ABAT: variants seen among roughly 807,000 people sequenced by gnomAD.
The protein encoded by ABAT is 4-aminobutyrate aminotransferase.
Under a neutral mutation model 64.6 loss-of-function variants are expected in ABAT, and 45 were observed. The ratio of observed to expected loss-of-function variants is 0.70; its 90% CI spans 0.55 to 0.89. The LOEUF (loss-of-function observed/expected upper bound fraction) is 0.89, where lower values mean the gene tolerates loss of function less well. Among genes scored for constraint, ABAT ranks in the 40% least tolerant of loss-of-function variants. The pLI, the probability that ABAT is intolerant of heterozygous loss-of-function variation, is 0.00. For synonymous variants in ABAT, 297 were observed against 250.5 expected (o/e 1.19, Z -1.75); for missense variants, 633 against 658.4 (o/e 0.96, Z 0.42).
chr16:8,727,519 A>G (rs2058594598), intron 1 of ABAT, among the ~76,000 whole-genome samples: 1 of 152,142 alleles, frequency 6.6e-6, no homozygotes, highest in Non-Finnish European at 1.5e-5. Context: ...ATCTCCCCGT[A>G]TTCCCTTAGC....
intron 1 of ABAT, among the ~76,000 whole-genome samples, chr16:8,732,782 T>G (rs1486687031): frequency 1.3e-5 from 2 of 148,662 alleles, no homozygotes; most frequent in African/African-American, 5.1e-5. Flanking sequence ...GGCTCCTCAC[T>G]TCCCAGTAGG....
In ABAT at chr16:8,752,877, T is replaced by C. The variant is rs77485026; in HGVS notation, c.316+2338T>C. On this transcript the variant is annotated intron_variant, in intron 5 of 15. Transcript: ENST00000268251. Reference sequence around the variant, plus strand: ...AAAGATTTTTTTAAGTTAATACTTATAGAGAATTTACTATGCACTTGGCAT... The same window carrying C: ...AAAGATTTTTTTAAGTTAATACTTACAGAGAATTTACTATGCACTTGGCAT... Among the ~76,000 whole-genome samples the C allele has an allele frequency of 1.8e-4, 28 of 152,344 alleles. No homozygotes were observed. In the East Asian group the frequency reaches 3.5e-3, roughly 19 times the overall value.
Position 8,750,417 on chromosome 16 carries a change from C to G in ABAT, c.199-5C>G. On this transcript the variant is annotated splice_region_variant and splice_polypyrimidine_tract_variant and intron_variant, in intron 4 of 15. Coordinates refer to ENST00000268251, the MANE Select transcript of ABAT (RefSeq NM_020686.6). ...GAGCCTGAGTTGGTCTTTTCTTTCT[C>G]CAAGAATGCAGAGGCTGTGCATTTT... The G allele has an allele frequency of 6.2e-7, 1 of 1,613,582 alleles. No individual in the cohort carries two copies. Among genetic ancestry groups the G allele is most frequent in the Non-Finnish European group, 8.5e-7 (1 of 1,179,510 alleles).
intron 4 of ABAT, among the ~76,000 whole-genome samples, chr16:8,749,940 C>T (rs553201320): frequency 4.6e-5 from 7 of 152,074 alleles, no homozygotes; most frequent in Non-Finnish European, 7.4e-5. Context: ...GTCTTGATCT[C>T]CTGACTTCAA....
At chr16:8,679,370 C>G (rs1050985948) in intron 1 of ABAT, among the ~76,000 whole-genome samples, 2 of 152,054 alleles carry the variant, frequency 1.3e-5, no homozygotes, top group African/African-American at 4.8e-5. Context: ...GGGGAAATTC[C>G]TTCTCTGAGC....
At chr16:8,735,639 C>A in intron 1 of ABAT, 60 bp from the exon 2 acceptor site, 1 of 1,388,474 alleles carries the variant, frequency 7.2e-7, no homozygotes, top group Non-Finnish European at 9.9e-7. Flanking sequence ...GGGATGGGAT[C>A]TTTGGCTGAG....
intron 1 of ABAT, among the ~76,000 whole-genome samples, chr16:8,675,551 C>A (rs931382316): frequency 6.6e-6 from 1 of 152,158 alleles, no homozygotes; most frequent in Admixed American, 6.5e-5. Flanking sequence ...ACTCCACTCC[C>A]ACACCTGGCT....
intron 5 of ABAT, among the ~76,000 whole-genome samples, chr16:8,751,829 A>T (rs926787489): frequency 1.3e-5 from 2 of 152,172 alleles, no homozygotes; most frequent in African/African-American, 4.8e-5. Context: ...CCAGCCATAT[A>T]GAGTGTTCAC....
chr16:8,750,115 C>T (rs918645093), intron 4 of ABAT, among the ~76,000 whole-genome samples: 4 of 152,156 alleles, frequency 2.6e-5, no homozygotes, highest in Non-Finnish European at 4.4e-5. Context: ...TTTGAGTTTG[C>T]TCTAAGGTTT....
chr16:8,686,211 G>C (rs2057452584), intron 1 of ABAT, among the ~76,000 whole-genome samples: 1 of 152,230 alleles, frequency 6.6e-6, no homozygotes, highest in East Asian at 1.9e-4. Flanking sequence ...GCGCCGGTCT[G>C]GGGACAGGCT....
chr16:8,772,372 T>C (rs535368952), intron 11 of ABAT, among the ~76,000 whole-genome samples: 35 of 149,224 alleles, frequency 2.3e-4, no homozygotes, highest in East Asian at 2.3e-3. Flanking sequence ...CAAGGTTAAG[T>C]GACAGGTGCA....
At chr16:8,768,121 A>G in intron 9 of ABAT, 72 bp from the exon 10 acceptor site, 3 of 1,493,122 alleles carry the variant, frequency 2.0e-6, no homozygotes, top group Non-Finnish European at 2.8e-6. Flanking sequence ...GTCCCTCTGG[A>G]CTTGCAGGGG....
chr16:8,763,922 G>T, intron 6 of ABAT, 147 bp from the exon 7 acceptor site: 1 of 723,226 alleles, frequency 1.4e-6, no homozygotes, highest in Non-Finnish European at 2.5e-6. Context: ...TAAGGAAACC[G>T]GCCATGCCCC....
At chr16:8,696,719 G>A (rs1036598979) in intron 1 of ABAT, among the ~76,000 whole-genome samples, 8 of 152,174 alleles carry the variant, frequency 5.3e-5, no homozygotes, top group African/African-American at 1.9e-4. Flanking sequence ...ATAGGCCCAT[G>A]GGACCATTAC....
chr16:8,693,449 C>G (rs900297257), intron 1 of ABAT, among the ~76,000 whole-genome samples: 13 of 152,080 alleles, frequency 8.5e-5, no homozygotes, highest in African/African-American at 3.1e-4. Flanking sequence ...GAAGGGAATA[C>G]TCTTTTTAGG....
intron 1 of ABAT, among the ~76,000 whole-genome samples, chr16:8,730,748 C>T (rs2058694728): frequency 1.3e-5 from 2 of 152,120 alleles, no homozygotes; most frequent in South Asian, 4.1e-4. Flanking sequence ...CAGGGTCTGT[C>T]ACAGAGTAAG....
intron 1 of ABAT, among the ~76,000 whole-genome samples, chr16:8,711,367 G>C (rs888566761): frequency 6.6e-6 from 1 of 152,222 alleles, no homozygotes. Flanking sequence ...ACAAAGTAAG[G>C]AGGGAGAGGG....
intron 15 of ABAT, among the ~76,000 whole-genome samples, chr16:8,780,918 C>G (rs1365933538): frequency 2.6e-5 from 4 of 152,148 alleles, no homozygotes; most frequent in Non-Finnish European, 5.9e-5. Flanking sequence ...GCTTTTGCAA[C>G]TTATTTGCTT....
intron 1 of ABAT, among the ~76,000 whole-genome samples, chr16:8,681,228 C>T (rs994801395): frequency 1.3e-5 from 2 of 151,586 alleles, no homozygotes; most frequent in African/African-American, 4.9e-5. Flanking sequence ...TAGGATCAAG[C>T]GATTCTCCCA....
Sources: allele counts gnomAD v4.1 joint callset (sites outside exome capture counted in the v4.1 genomes callset), GRCh38; gene constraint gnomAD v4.1.1; transcripts MANE v1.5; gene names NCBI Gene and HGNC (gene_info 2026-07-23, HGNC 2026-07-21).